Variants in MELK observed in about 807,000 individuals in gnomAD.
MELK encodes the protein pEg3 kinase.
MELK carries 81 observed loss-of-function variants against 85.0 expected under a neutral mutation model. The ratio of observed to expected loss-of-function variants is 0.95; its 90% confidence interval spans 0.80 to 1.15. MELK has a LOEUF of 1.15. Ranked by LOEUF, MELK falls within the 50% of genes most tolerant of loss-of-function variation. The probability of loss-of-function intolerance (pLI) is 0.00; values close to 1 mark genes in which losing one functional copy is unlikely to be tolerated. For missense variants in MELK, 754 were observed against 777.5 expected, an observed-to-expected ratio of 0.97 and a Z score of 0.36; for synonymous variants, 252 against 265.0, an observed-to-expected ratio of 0.95 and a Z score of 0.48.
chr9:36,583,465 A>C (rs1244120677), intron 2 of MELK, among the ~76,000 whole-genome samples, 162 bp from the exon 3 acceptor site: 3 of 151,838 alleles, frequency 2.0e-5, no homozygotes, highest in Non-Finnish European at 2.9e-5. Flanking sequence ...AAAAAAAAAA[A>C]AACCTTCAGC....
intron 8 of MELK, among the ~76,000 whole-genome samples, chr9:36,620,725 A>G (rs1039554491): frequency 2.0e-5 from 3 of 151,182 alleles, no homozygotes; most frequent in Admixed American, 1.3e-4. Context: ...TAATTTTTGT[A>G]TTTTTAGTAG....
intron 8 of MELK, among the ~76,000 whole-genome samples, chr9:36,618,904 A>C (rs1315314495): frequency 6.6e-6 from 1 of 152,186 alleles, no homozygotes; most frequent in Non-Finnish European, 1.5e-5. Flanking sequence ...ATAGAAAATT[A>C]ATATAAATCT....
At chr9:36,618,165 C>A (rs1827038986) in intron 8 of MELK, among the ~76,000 whole-genome samples, 1 of 151,472 alleles carries the variant, frequency 6.6e-6, no homozygotes, top group Non-Finnish European at 1.5e-5. Context: ...TTCTGTAATC[C>A]CAGCACTTTG....
chr9:36,659,466 T>C (rs1831581840), intron 13 of MELK, among the ~76,000 whole-genome samples: 1 of 152,258 alleles, frequency 6.6e-6, no homozygotes, highest in South Asian at 2.1e-4. Flanking sequence ...TAGTGACTTT[T>C]CTGAACTAAT....
intron 14 of MELK, 81 bp downstream of exon 14, chr9:36,665,662 C>CT (rs1832270760): frequency 2.0e-6 from 2 of 1,021,156 alleles, no homozygotes; most frequent in Admixed American, 5.7e-5. Flanking sequence ...TCAGAAATGA[C>CT]TAGCATTGCT....
At chr9:36,605,591 C>T (rs922520362) in intron 7 of MELK, among the ~76,000 whole-genome samples, 3 of 151,730 alleles carry the variant, frequency 2.0e-5, no homozygotes, top group African/African-American at 4.8e-5. Context: ...ATCTCGGAGG[C>T]GTAAATGGTC....
chr9:36,611,891 G>GAATT (rs1826097879), intron 8 of MELK, among the ~76,000 whole-genome samples: 1 of 151,708 alleles, frequency 6.6e-6, no homozygotes, highest in Non-Finnish European at 1.5e-5. Flanking sequence ...TTCTGCCTCA[G>GAATT]CCTTCCAAGT....
At position 36,603,914 on chromosome 9, in the gene MELK, CTT is replaced by C. The variant is rs1458058582; in HGVS notation, c.568-3659_568-3658del. 9.9e-5 allele frequency among the ~76,000 whole-genome samples: 15 copies of C among 152,210 alleles called. No individual in the cohort carries two copies. In the East Asian group the frequency reaches 2.7e-3, roughly 27 times the overall value. Reference sequence around the variant, plus strand: ...GGGATGTTATTATCATTTTATTCCTCTTTAAGTTTAACCCTAGACATAATCTT... The same window carrying C: ...GGGATGTTATTATCATTTTATTCCTCTAAGTTTAACCCTAGACATAATCTT... On this transcript the variant is annotated intron_variant, in intron 7 of 17. Coordinates refer to ENST00000298048, the MANE Select transcript of MELK (RefSeq NM_014791.4).
At chr9:36,592,257 C>T (rs1199633973) in intron 4 of MELK, among the ~76,000 whole-genome samples, 1 of 149,990 alleles carries the variant, frequency 6.7e-6, no homozygotes, top group Non-Finnish European at 1.5e-5. Flanking sequence ...TCACTACAAC[C>T]TCCGCCTCCC....
rs1350469643 is a variant in MELK, at chr9:36,674,833, G to A, written c.1675-1G>A. The A allele has an allele frequency of 6.5e-7, 1 of 1,531,742 alleles. No homozygotes were observed. Among genetic ancestry groups the A allele is most frequent in the Non-Finnish European group, 9.0e-7 (1 of 1,111,008 alleles). 94.9% of individuals were successfully genotyped at this position (1,531,742 alleles called of 1,614,324 possible). A position where few individuals can be genotyped will look rare whatever the true frequency, so the allele number is the denominator to read the frequency against. ...CTCATCTCTTCTTTTTCTTTTCTTA[G>A]CTTCACTATAACGTGACTACAACTA... is the stretch of plus-strand genomic sequence containing the variant. On this transcript the variant is annotated splice_acceptor_variant, in intron 16 of 17. Transcript: ENST00000298048. LOFTEE classifies it high-confidence loss of function.
chr9:36,607,182 T>G (rs1030049278), intron 7 of MELK, among the ~76,000 whole-genome samples: 4 of 152,256 alleles, frequency 2.6e-5, no homozygotes, highest in Non-Finnish European at 4.4e-5. Context: ...TATCAATAAA[T>G]TTTAAGACAT....
intron 8 of MELK, among the ~76,000 whole-genome samples, chr9:36,622,441 T>G (rs1475540449): frequency 1.3e-5 from 2 of 152,232 alleles, no homozygotes; most frequent in Non-Finnish European, 2.9e-5. Flanking sequence ...AACTCTTGTT[T>G]AAAAGGCAGA....
chr9:36,585,639 A>G (rs1239240764), intron 3 of MELK, among the ~76,000 whole-genome samples: 2 of 152,114 alleles, frequency 1.3e-5, no homozygotes, highest in Non-Finnish European at 1.5e-5. Flanking sequence ...ATTATCAAAC[A>G]TAAAAAATAA....
intron 8 of MELK, among the ~76,000 whole-genome samples, chr9:36,621,984 A>T (rs1385840981): frequency 6.6e-6 from 1 of 152,210 alleles, no homozygotes; most frequent in East Asian, 1.9e-4. Flanking sequence ...TCAAGTTCTG[A>T]TATTTTTGAA....
intron 11 of MELK, among the ~76,000 whole-genome samples, chr9:36,645,585 C>A (rs924203563): frequency 6.6e-6 from 1 of 152,098 alleles, no homozygotes; most frequent in African/African-American, 2.4e-5. Context: ...TTCGTTGAGT[C>A]CCAGGGATGA....
intron 9 of MELK, 101 bp from the exon 10 acceptor site, chr9:36,633,001 G>A (rs1828790865): frequency 2.5e-6 from 2 of 804,292 alleles, no homozygotes; most frequent in South Asian, 3.2e-5. Flanking sequence ...TGATGATAAA[G>A]TTTACATCTG....
At chr9:36,643,839 C>T (rs1030487381) in intron 11 of MELK, among the ~76,000 whole-genome samples, 2 of 150,052 alleles carry the variant, frequency 1.3e-5, no homozygotes, top group African/African-American at 4.9e-5. Context: ...GAGGCTGAGG[C>T]AGGAGAATGG....
At chr9:36,628,863 CTTTTTTTTT>C (rs869033969) in intron 8 of MELK, among the ~76,000 whole-genome samples, 3 of 127,918 alleles carry the variant, frequency 2.3e-5, no homozygotes, top group Admixed American at 7.9e-5. Context: ...TTTGTATTTT[CTTTTTTTTT>C]TTTTTTTTTG....
At chr9:36,611,787 ATTTT>A (rs1826083129) in intron 8 of MELK, among the ~76,000 whole-genome samples, 1 of 149,274 alleles carries the variant, frequency 6.7e-6, no homozygotes, top group Non-Finnish European at 1.5e-5. Context: ...TATTATTATT[ATTTT>A]GAGATGGCGT....
Sources: gnomAD v4.1 joint callset for allele counts (sites outside exome capture counted in the v4.1 genomes callset) on GRCh38, gnomAD v4.1.1 for gene constraint, MANE v1.5 for transcripts, NCBI Gene and HGNC (gene_info 2026-07-23, HGNC 2026-07-21) for gene names.